ATP6V1C2: variants seen among roughly 807,000 people sequenced by gnomAD.
ATP6V1C2 encodes V-type proton ATPase subunit C 2.
Under a neutral mutation model 56.8 loss-of-function variants are expected in ATP6V1C2, and 45 were observed. That is an observed-to-expected ratio of 0.79 (90% CI 0.62 to 1.02). The LOEUF (loss-of-function observed/expected upper bound fraction) is 1.02, where lower values mean the gene tolerates loss of function less well. ATP6V1C2 is among the 50% of genes least tolerant of loss of function. The pLI is 0.00. For synonymous variants in ATP6V1C2, 220 were observed against 201.3 expected, an observed-to-expected ratio of 1.09 and a Z score of -0.79; for missense variants, 463 against 519.7, an observed-to-expected ratio of 0.89 and a Z score of 1.06.
At chr2:10,769,158 G>A (rs779874987) in intron 6 of ATP6V1C2, among the ~76,000 whole-genome samples, 1 of 152,258 alleles carries the variant, frequency 6.6e-6, no homozygotes, top group African/African-American at 2.4e-5. Flanking sequence ...CGGGAGGCCA[G>A]GATGTCAGCG....
Position 10,783,364 on chromosome 2 carries a change from C to A in ATP6V1C2, c.*101C>A, listed in dbSNP as rs879481301. The A allele has an allele frequency of 2.9e-6, 2 of 700,536 alleles. No individual in the cohort carries two copies. Among genetic ancestry groups the A allele is most frequent in the Non-Finnish European group, 4.6e-6 (2 of 430,862 alleles). The allele number at this position is 700,536 out of a possible 1,614,324, so 43.4% of individuals were successfully genotyped here. On this transcript the variant is annotated 3_prime_UTR_variant, in exon 14 of 14. Coordinates refer to ENST00000272238, the MANE Select transcript of ATP6V1C2 (RefSeq NM_001039362.2). ...TTCAAATGTCTTACAGAACTAAGAT[C>A]TTTTTCAGAGAAATTGCTCACAAAA...
At chr2:10,761,441 G>C (rs1663898322) in intron 4 of ATP6V1C2, among the ~76,000 whole-genome samples, 1 of 152,068 alleles carries the variant, frequency 6.6e-6, no homozygotes, top group Non-Finnish European at 1.5e-5. Flanking sequence ...GTTACCCTCT[G>C]ACCACTCCCT....
chr2:10,783,647 T>G lies in ATP6V1C2; in HGVS notation c.*384T>G, dbSNP rs979362193. 1 of 167,526 alleles carries G rather than the reference T, an allele frequency of 6.0e-6. No individual in the cohort carries two copies. The highest frequency in any genetic ancestry group is 1.3e-5 in the Non-Finnish European group (1 of 78,264). 10.4% of individuals were successfully genotyped at this position (167,526 alleles called of 1,614,324 possible). On this transcript the variant is annotated 3_prime_UTR_variant, in exon 14 of 14. Transcript: ENST00000272238. Reference sequence around the variant, plus strand: ...ACTAGAGACAGCCCAAAGACAAATATTGGGCAGGAAATCAGTTCTCACTGA... The same window carrying G: ...ACTAGAGACAGCCCAAAGACAAATAGTGGGCAGGAAATCAGTTCTCACTGA...
rs187109634 is a variant in ATP6V1C2 at position 10,759,373 on chromosome 2, C to T, written c.284-4958C>T. ...AATGCCCACAGAAGACAGAAACCCT[C>T]GAGGCTTGTCTGGCTTGCTGGGCGA... On this transcript the variant is annotated intron_variant, in intron 4 of 13. Transcript: ENST00000272238. 8.8e-4 allele frequency among the ~76,000 whole-genome samples: 134 copies of T among 152,336 alleles called. 1 individual carries two copies. The highest frequency in any genetic ancestry group is 3.4e-3 in the Middle Eastern group (1 of 294).
At chr2:10,733,751 C>A (rs180816606) in intron 3 of ATP6V1C2, among the ~76,000 whole-genome samples, 5 of 144,668 alleles carry the variant, frequency 3.5e-5, no homozygotes, top group African/African-American at 1.3e-4. Context: ...CTGGGGCGGT[C>A]AGCGGGACCT....
chr2:10,764,482 C>A, intron 5 of ATP6V1C2, 57 bp downstream of exon 5: 2 of 1,479,578 alleles, frequency 1.4e-6, no homozygotes, highest in Non-Finnish European at 1.9e-6. Flanking sequence ...CGGGCAAGAG[C>A]CTGGGTAGGG....
chr2:10,751,799 T>A (rs1247314579), intron 3 of ATP6V1C2, among the ~76,000 whole-genome samples: 2 of 152,180 alleles, frequency 1.3e-5, no homozygotes, highest in African/African-American at 4.8e-5. Flanking sequence ...TAATAGGTGA[T>A]ATCAAAAGAA....
chr2:10,758,278 T>G (rs1026941425), intron 4 of ATP6V1C2, among the ~76,000 whole-genome samples: 2 of 152,222 alleles, frequency 1.3e-5, no homozygotes, highest in African/African-American at 4.8e-5. Flanking sequence ...GCAAAATTAA[T>G]GTAACCTTAA....
At position 10,746,455 on chromosome 2, in the gene ATP6V1C2, C is replaced by T. The variant is rs1468365324; in HGVS notation, c.198-7526C>T. ...TGAGACAGAGTCTCCCTCTGTCACC[C>T]ATGCTGGAATGCAGGGGCCCAATCT... On this transcript the variant is annotated intron_variant, in intron 3 of 13. Transcript: ENST00000272238. Among the ~76,000 whole-genome samples the T allele has an allele frequency of 2.6e-5, 4 of 150,954 alleles. No individual in the cohort carries two copies. In the East Asian group the frequency reaches 7.7e-4, roughly 29 times the overall value.
intron 3 of ATP6V1C2, among the ~76,000 whole-genome samples, chr2:10,738,739 T>TC (rs1023722872): frequency 4.2e-4 from 64 of 152,124 alleles, no homozygotes; most frequent in Middle Eastern, 3.2e-3. Flanking sequence ...CTCAACAGCT[T>TC]CCATTTGTGC....
At chr2:10,747,121 AGCCAGTC>A (rs1662959568) in intron 3 of ATP6V1C2, among the ~76,000 whole-genome samples, 1 of 152,164 alleles carries the variant, frequency 6.6e-6, no homozygotes. Flanking sequence ...ATACAAAATT[AGCCAGTC>A]ATGGTGGTGC....
rs1055861982 is a variant in ATP6V1C2, at chr2:10,783,736, G to T, written c.*473G>T. The T allele has an allele frequency of 1.3e-5, 2 of 156,720 alleles. No individual in the cohort carries two copies. Among genetic ancestry groups the T allele is most frequent in the Non-Finnish European group, 2.8e-5 (2 of 70,916 alleles). The allele number at this position is 156,720 out of a possible 1,614,324, so 9.7% of individuals were successfully genotyped here. On this transcript the variant is annotated 3_prime_UTR_variant, in exon 14 of 14. Transcript: ENST00000272238. ...AGGTGGCACCATCTAAAGAAAAGAG[G>T]TCTTGTTTTTTGTTTAAAAAAGTTT...
chr2:10,768,646 TG>T, intron 5 of ATP6V1C2, 72 bp from the exon 6 acceptor site: 1 of 1,182,424 alleles, frequency 8.5e-7, no homozygotes, highest in Non-Finnish European at 1.3e-6. Context: ...TGAGCTGTTG[TG>T]GCCATTTCAA....
At chr2:10,762,436 G>T (rs377148526) in intron 4 of ATP6V1C2, among the ~76,000 whole-genome samples, 5 of 152,088 alleles carry the variant, frequency 3.3e-5, no homozygotes, top group East Asian at 3.9e-4. Context: ...GAGCCACCAC[G>T]CCCGGCAAAG....
intron 3 of ATP6V1C2, among the ~76,000 whole-genome samples, chr2:10,745,955 G>C (rs1274553857): frequency 6.6e-6 from 1 of 152,064 alleles, no homozygotes; most frequent in Non-Finnish European, 1.5e-5. Context: ...TCCTTTTAAG[G>C]CTGACTAGTG....
At chr2:10,724,515 A>C (rs1001057429) in intron 2 of ATP6V1C2, among the ~76,000 whole-genome samples, 1 of 151,906 alleles carries the variant, frequency 6.6e-6, no homozygotes, top group Non-Finnish European at 1.5e-5. Context: ...TTCTGCATCC[A>C]CTCATTGATA....
chr2:10,778,713 G>A, intron 12 of ATP6V1C2, 44 bp downstream of exon 12: 1 of 1,596,752 alleles, frequency 6.3e-7, no homozygotes, highest in Non-Finnish European at 8.6e-7. Context: ...CTGAGGATGG[G>A]CAGGGTCTGG....
At chr2:10,723,069 G>C (rs1010975066) in intron 2 of ATP6V1C2, 91 bp downstream of exon 2, 1 of 1,512,114 alleles carries the variant, frequency 6.6e-7, no homozygotes, top group Non-Finnish European at 8.9e-7. Flanking sequence ...AAGCCAAGGA[G>C]AAAGTATCAA....
intron 6 of ATP6V1C2, among the ~76,000 whole-genome samples, chr2:10,769,180 G>C (rs565293676): frequency 1.2e-3 from 184 of 152,358 alleles, no homozygotes; most frequent in African/African-American, 4.2e-3. Context: ...ACGGCCCGTT[G>C]CAAAGCGCAG....
Sources: gnomAD v4.1 joint callset for allele counts (sites outside exome capture counted in the v4.1 genomes callset) on GRCh38, gnomAD v4.1.1 for gene constraint, MANE v1.5 for transcripts, NCBI Gene and HGNC (gene_info 2026-07-23, HGNC 2026-07-21) for gene names.